The following SLC22A23 variants were observed in gnomAD, a reference collection of about 807,000 sequenced individuals.
SLC22A23 encodes solute carrier family 22 member 23, also known as ion transporter protein.
Under a neutral mutation model 61.0 loss-of-function variants are expected in SLC22A23, and 26 were observed. The ratio of observed to expected loss-of-function variants is 0.43; its 90% confidence interval spans 0.31 to 0.59. The LOEUF (loss-of-function observed/expected upper bound fraction) is 0.59. SLC22A23 is among the 20% of genes least tolerant of loss of function. The pLI is 0.11. For missense variants in SLC22A23, 796 were observed against 934.7 expected, an observed-to-expected ratio of 0.85 and a Z score of 1.94; for synonymous variants, 430 against 413.9, an observed-to-expected ratio of 1.04 and a Z score of -0.47.
chr6:3,338,278 A>G (rs182716469), intron 3 of SLC22A23, among the ~76,000 whole-genome samples: 93 of 152,378 alleles, frequency 6.1e-4, no homozygotes, highest in Admixed American at 1.2e-3. Context: ...ACATGTAAAA[A>G]TTAAAATATT....
intron 9 of SLC22A23, among the ~76,000 whole-genome samples, chr6:3,274,957 C>CTTTT (rs11393848): frequency 1.4e-5 from 2 of 143,400 alleles, no homozygotes; most frequent in Non-Finnish European, 3.1e-5. Context: ...TTCCAGGTGA[C>CTTTT]TTTTTTTTTT....
chr6:3,409,563 G>A (rs960891103), intron 3 of SLC22A23, among the ~76,000 whole-genome samples: 34 of 152,084 alleles, frequency 2.2e-4, no homozygotes, highest in Admixed American at 2.0e-3. Flanking sequence ...AAATAACCAC[G>A]CCTAAAACTC....
intron 3 of SLC22A23, among the ~76,000 whole-genome samples, chr6:3,370,857 C>T (rs930927069): frequency 6.6e-6 from 1 of 152,250 alleles, no homozygotes; most frequent in African/African-American, 2.4e-5. Flanking sequence ...TTCCTGAAAA[C>T]AGCTCCTACC....
chr6:3,392,838 A>G (rs1488623219), intron 3 of SLC22A23, among the ~76,000 whole-genome samples: 1 of 152,222 alleles, frequency 6.6e-6, no homozygotes, highest in East Asian at 1.9e-4. Flanking sequence ...AACATCCACA[A>G]GGCAGTAGGG....
chr6:3,360,841 C>T lies in SLC22A23; in HGVS notation c.914-36839G>A, dbSNP rs570578323. 2.4e-4 allele frequency among the ~76,000 whole-genome samples: 36 copies of T among 152,236 alleles called. No homozygotes were observed. Among genetic ancestry groups the T allele is most frequent in the Non-Finnish European group, 2.9e-4 (20 of 68,012 alleles). On this transcript the variant is annotated intron_variant, in intron 3 of 9. Transcript: ENST00000406686. The surrounding 1 kb of genome is among the most constrained non-coding windows in gnomAD (Gnocchi z 4.6). ...CCACAGCTGGCGTGGTCATCCAGGG[C>T]GGGAACGGGATTGGACGAAGCCTTC... is the stretch of plus-strand genomic sequence containing the variant.
At chr6:3,429,466 T>C (rs368219905) in intron 1 of SLC22A23, among the ~76,000 whole-genome samples, 102 of 147,000 alleles carry the variant, frequency 6.9e-4, no homozygotes, top group Middle Eastern at 3.4e-3. Context: ...GGAAGGACAG[T>C]TGCTCCATTA....
chr6:3,354,442 G>A (rs1332359788), intron 3 of SLC22A23, among the ~76,000 whole-genome samples: 1 of 152,222 alleles, frequency 6.6e-6, no homozygotes, highest in Admixed American at 6.5e-5. Context: ...TGTCCCTGCT[G>A]CATTTAATAA....
At chr6:3,316,194 T>C (rs553583019) in intron 4 of SLC22A23, among the ~76,000 whole-genome samples, 1 of 152,348 alleles carries the variant, frequency 6.6e-6, no homozygotes, top group East Asian at 1.9e-4. Flanking sequence ...TTGAATGCTT[T>C]TCCCACATTT....
At chr6:3,393,504 T>C (rs1320078046) in intron 3 of SLC22A23, among the ~76,000 whole-genome samples, 1 of 152,238 alleles carries the variant, frequency 6.6e-6, no homozygotes, top group African/African-American at 2.4e-5. Flanking sequence ...TTTGCCTTGA[T>C]GCTGCAGGTT....
chr6:3,298,296 G>A (rs866385584), intron 4 of SLC22A23, 78 bp from the exon 5 acceptor site: 250 of 1,499,502 alleles, frequency 1.7e-4, no homozygotes, highest in Non-Finnish European at 1.9e-4. Context: ...GGTGTGGCCC[G>A]GGAGCTTCCC....
At chr6:3,363,513 C>G (rs1211730654) in intron 3 of SLC22A23, among the ~76,000 whole-genome samples, 2 of 152,210 alleles carry the variant, frequency 1.3e-5, no homozygotes, top group African/African-American at 4.8e-5. Context: ...TTGTCCCCGC[C>G]CATGGCCTGC....
At chr6:3,319,166 C>T (rs1216210421) in intron 4 of SLC22A23, among the ~76,000 whole-genome samples, 2 of 152,156 alleles carry the variant, frequency 1.3e-5, no homozygotes, top group African/African-American at 2.4e-5. Context: ...AGAATAAGCC[C>T]GTGCTCCTCA....
In SLC22A23 at chr6:3,386,967, ACTCTT is replaced by A. The variant is rs1051373445; in HGVS notation, c.913+23216_913+23220del. Among the ~76,000 whole-genome samples the A allele has an allele frequency of 2.0e-5, 3 of 151,688 alleles. No individual in the cohort carries two copies. The highest frequency in any genetic ancestry group is 7.3e-5 in the African/African-American group (3 of 41,240). The stretch of plus-strand genomic sequence containing the variant: ...TTGAAATCAACAACAACCACACACA[ACTCTT>A]CTCTTCCAACCTCACCCAGATTTTC... On this transcript the variant is annotated intron_variant, in intron 3 of 9. Transcript: ENST00000406686. This position sits in a 1 kb window ranked among gnomAD's most constrained non-coding sequence, Gnocchi z 4.4.
chr6:3,337,233 G>C (rs1763908541), intron 3 of SLC22A23, among the ~76,000 whole-genome samples: 1 of 152,214 alleles, frequency 6.6e-6, no homozygotes, highest in African/African-American at 2.4e-5. Context: ...GGAGAGCCAG[G>C]AGGCCTGTTT....
chr6:3,282,371 C>T, intron 9 of SLC22A23: 2 of 697,504 alleles, frequency 2.9e-6, no homozygotes, highest in Admixed American at 4.0e-5. Flanking sequence ...TCATACAATG[C>T]CTTGGCATTT....
At chr6:3,356,572 A>C (rs1765120077) in intron 3 of SLC22A23, among the ~76,000 whole-genome samples, 1 of 152,192 alleles carries the variant, frequency 6.6e-6, no homozygotes. Context: ...CCCCAGAGAC[A>C]GTAGTGTTTA....
intron 5 of SLC22A23, among the ~76,000 whole-genome samples, chr6:3,295,802 C>T (rs565880322): frequency 5.9e-5 from 9 of 152,274 alleles, no homozygotes; most frequent in Non-Finnish European, 8.8e-5. Context: ...GAGCAGAGTC[C>T]ACTGTGAAGG....
chr6:3,335,219 G>A (rs1186868114), intron 3 of SLC22A23, among the ~76,000 whole-genome samples: 6 of 152,168 alleles, frequency 3.9e-5, no homozygotes, highest in African/African-American at 1.4e-4. Flanking sequence ...TAGCAGGTGG[G>A]AGCAGTAAGA....
chr6:3,280,742 C>T (rs1320728716), intron 9 of SLC22A23, among the ~76,000 whole-genome samples: 1 of 152,076 alleles, frequency 6.6e-6, no homozygotes, highest in African/African-American at 2.4e-5. Context: ...GTGATCTGCC[C>T]GCCTCAGCCT....
Sources: gnomAD v4.1 joint callset for allele counts (sites outside exome capture counted in the v4.1 genomes callset) on GRCh38, gnomAD v4.1.1 for gene constraint, Gnocchi (gnomAD v3.1) non-coding constraint, MANE v1.5 for transcripts, NCBI Gene and HGNC (gene_info 2026-07-23, HGNC 2026-07-21) for gene names.